Variants in ALOX5AP observed in about 807,000 individuals in gnomAD.
ALOX5AP encodes arachidonate 5-lipoxygenase activating protein.
A neutral mutation model predicts 18.5 loss-of-function variants in ALOX5AP; 9 were observed. That is an observed-to-expected ratio of 0.49 (90% confidence interval 0.29 to 0.85). The LOEUF (loss-of-function observed/expected upper bound fraction) is 0.85, where lower values mean the gene tolerates loss of function less well. ALOX5AP is among the 40% of genes least tolerant of loss of function. The probability of loss-of-function intolerance (pLI) is 0.08; values close to 1 mark genes in which losing one functional copy is unlikely to be tolerated. For synonymous variants in ALOX5AP, 81 were observed against 78.6 expected (o/e 1.03, Z -0.16); for missense variants, 172 against 202.5 (o/e 0.85, Z 0.91).
intron 3 of ALOX5AP, 76 bp from the exon 4 acceptor site, chr13:30,755,867 GT>G: frequency 7.1e-7 from 1 of 1,407,808 alleles, no homozygotes; most frequent in Non-Finnish European, 1.0e-6. Flanking sequence ...TGTGACCAAT[GT>G]TGATTGCCTA....
intron 1 of ALOX5AP, among the ~76,000 whole-genome samples, chr13:30,725,052 C>T (rs1001018187): frequency 3.3e-5 from 5 of 152,058 alleles, no homozygotes; most frequent in African/African-American, 1.2e-4. Context: ...CTGGGGTGCC[C>T]GTGAAGGACA....
At chr13:30,741,919 G>A (rs75342833) in intron 1 of ALOX5AP, among the ~76,000 whole-genome samples, 3,937 of 149,334 alleles carry the variant, frequency 0.026, 65 homozygotes, top group South Asian at 0.068. Context: ...TTGATTATGC[G>A]TTCAGAGGCA....
Position 30,756,154 on chromosome 13 carries a change from G to C in ALOX5AP, c.323+129G>C, listed in dbSNP as rs547572854. 12 of 779,592 alleles carry C rather than the reference G, an allele frequency of 1.5e-5. No homozygotes were observed. The East Asian group carries it at 1.9e-4, about 13-fold the overall frequency. The allele number at this position is 779,592 out of a possible 1,614,324, so 48.3% of individuals were successfully genotyped here. A position where few individuals can be genotyped will look rare whatever the true frequency, so the allele number is the denominator to read the frequency against. ...CATCCCCTTGGGTGGGAGGGGGAAG[G>C]CTGACTAGGACCTCTGATTCTTCTT... is the stretch of plus-strand genomic sequence containing the variant. On this transcript the variant is annotated intron_variant, in intron 4 of 4. Transcript: ENST00000380490.
intron 2 of ALOX5AP, among the ~76,000 whole-genome samples, chr13:30,746,395 G>A (rs1951809679): frequency 6.6e-6 from 1 of 152,246 alleles, no homozygotes; most frequent in Non-Finnish European, 1.5e-5. Context: ...GAACTAAGCA[G>A]GCAGGGTGGA....
chr13:30,744,883 G>A (rs1193251570), intron 2 of ALOX5AP, among the ~76,000 whole-genome samples: 3 of 152,216 alleles, frequency 2.0e-5, no homozygotes, highest in African/African-American at 7.2e-5. Flanking sequence ...CTAGGGGCCT[G>A]TCACAGAGGA....
intron 1 of ALOX5AP, chr13:30,713,865 C>G (rs747612223): frequency 6.5e-7 from 1 of 1,531,568 alleles, no homozygotes; most frequent in Non-Finnish European, 8.7e-7. Flanking sequence ...TGCGCGCACA[C>G]GCGCATGTGT....
At chr13:30,718,170 G>C (rs1448931673) in intron 1 of ALOX5AP, among the ~76,000 whole-genome samples, 1 of 151,696 alleles carries the variant, frequency 6.6e-6, no homozygotes, top group East Asian at 1.9e-4. Context: ...TGTTGGTCAG[G>C]CTGGTCTCAA....
intron 1 of ALOX5AP, among the ~76,000 whole-genome samples, chr13:30,737,388 C>A (rs1426369866): frequency 1.3e-5 from 2 of 152,206 alleles, no homozygotes; most frequent in African/African-American, 2.4e-5. Context: ...GTCTAGCAAA[C>A]CCTGTTCAGA....
intron 1 of ALOX5AP, among the ~76,000 whole-genome samples, chr13:30,722,769 CGAGT>C (rs1273321528): frequency 2.6e-5 from 4 of 152,194 alleles, no homozygotes; most frequent in African/African-American, 9.7e-5. Flanking sequence ...CTCACAGTAA[CGAGT>C]GAGTTTTTAT....
rs563599872 is a variant in ALOX5AP, at chr13:30,752,060, G to T, written c.179G>T (p.Cys60Phe). Residue 60 changes from cysteine (C) to phenylalanine (F), a missense_variant, in exon 3 of 5, where the codon TGT becomes TTT. Transcript: ENST00000380490. ...GTTTGTTTATTCTGCAGCCAGAACTGTGTAGATGCGTACCCCACTTTCCTC... is the reference window on the plus strand; with the variant it reads ...GTTTGTTTATTCTGCAGCCAGAACTTTGTAGATGCGTACCCCACTTTCCTC... ...FERVYTANQN[C>F]VDAYPTFLAV... 1 of 1,614,194 alleles carries T rather than the reference G, an allele frequency of 6.2e-7. No homozygotes were observed. The highest frequency in any genetic ancestry group is 8.5e-7 in the Non-Finnish European group (1 of 1,180,008).
chr13:30,754,272 T>C (rs1331687109), intron 3 of ALOX5AP, among the ~76,000 whole-genome samples: 2 of 144,528 alleles, frequency 1.4e-5, no homozygotes, highest in African/African-American at 5.1e-5. Flanking sequence ...TTTGCTTTGA[T>C]TTTCTTATCT....
At chr13:30,738,837 C>T (rs1476311956) in intron 1 of ALOX5AP, among the ~76,000 whole-genome samples, 1 of 152,140 alleles carries the variant, frequency 6.6e-6, no homozygotes, top group African/African-American at 2.4e-5. Flanking sequence ...AGGCAGCCTC[C>T]TCCAAGTTTT....
chr13:30,757,778 G>C (rs4769875), intron 4 of ALOX5AP, among the ~76,000 whole-genome samples: 10,457 of 152,104 alleles, frequency 0.069, 446 homozygotes, highest in East Asian at 0.11. Context: ...AACTTTAAAG[G>C]CTTTACTAAC....
intron 1 of ALOX5AP, among the ~76,000 whole-genome samples, chr13:30,729,238 TG>T: frequency 6.6e-6 from 1 of 152,332 alleles, no homozygotes; most frequent in South Asian, 2.1e-4. Context: ...CTTTCTCCTA[TG>T]TTTTCTTTTG....
chr13:30,760,491 A>G (rs17074998), intron 4 of ALOX5AP, among the ~76,000 whole-genome samples: 11,956 of 152,324 alleles, frequency 0.078, 732 homozygotes, highest in African/African-American at 0.17. Context: ...GATGGGAATT[A>G]TTTAGCAGGA....
intron 1 of ALOX5AP, among the ~76,000 whole-genome samples, chr13:30,717,680 C>T (rs905727509): frequency 6.6e-6 from 1 of 152,204 alleles, no homozygotes; most frequent in African/African-American, 2.4e-5. Context: ...GAGCTTCTGT[C>T]CATGTGGAGC....
exon 1 of ALOX5AP, chr13:30,713,828 A>G: frequency 1.3e-6 from 2 of 1,529,148 alleles, no homozygotes; most frequent in South Asian, 2.4e-5. Context: ...TGGGAACATA[A>G]GCCATCAGTG....
chr13:30,740,581 G>A (rs958935896), intron 1 of ALOX5AP, among the ~76,000 whole-genome samples: 3 of 152,190 alleles, frequency 2.0e-5, no homozygotes, highest in Non-Finnish European at 4.4e-5. Flanking sequence ...ACAAGAGGTT[G>A]GGGAGTGAGG....
intron 1 of ALOX5AP, among the ~76,000 whole-genome samples, chr13:30,728,790 G>C (rs1328971198): frequency 6.6e-6 from 1 of 152,226 alleles, no homozygotes; most frequent in Non-Finnish European, 1.5e-5. Flanking sequence ...TGAAGTTATA[G>C]TGAGCTATGA....
Sources: allele counts gnomAD v4.1 joint callset (sites outside exome capture counted in the v4.1 genomes callset), GRCh38; gene constraint gnomAD v4.1.1; transcripts MANE v1.5; gene names NCBI Gene and HGNC (gene_info 2026-07-23, HGNC 2026-07-21).